NEAT1: variants seen among roughly 807,000 people sequenced by gnomAD.
The protein encoded by NEAT1 is nuclear paraspeckle assembly transcript 1, also known as MENepsilon/beta.
chr11:65,435,415 G>A lies in NEAT1; in HGVS notation n.12618G>A, dbSNP rs113088781. On this transcript the variant is annotated non_coding_transcript_exon_variant, in exon 1 of 1. Transcript: ENST00000501122. ...GCCCTAAAATGGAATCATACAAGGT[G>A]TACTGTTATTTTTATGGCTCTATAA... 1.5e-4 allele frequency: 23 copies of A among 152,258 alleles called. 2 individuals are homozygous for A. Among genetic ancestry groups the A allele is most frequent in the African/African-American group, 5.1e-4 (21 of 41,554 alleles). 9.4% of individuals were successfully genotyped at this position (152,258 alleles called of 1,614,324 possible).
chr11:65,431,416 GTATA>G (rs1856612918), exon 1 of NEAT1: 1 of 152,094 alleles, frequency 6.6e-6, no homozygotes, highest in South Asian at 2.1e-4. Flanking sequence ...GTTCTTTTGA[GTATA>G]TAGCCAGAAG....
chr11:65,429,679 C>T (rs949391497), exon 1 of NEAT1: 5 of 152,040 alleles, frequency 3.3e-5, no homozygotes, highest in African/African-American at 4.8e-5. Context: ...AAAAGTTAAA[C>T]GATTTTCTTA....
rs945899752 is a variant in NEAT1 at position 65,444,456 on chromosome 11, C to T, written n.21659C>T. On this transcript the variant is annotated non_coding_transcript_exon_variant, in exon 1 of 1. Coordinates refer to ENST00000501122, the Ensembl canonical transcript of NEAT1. ...GGTTACAGTCCTCTCTGAGCCTCTG[C>T]TTCCCATCTGGACCCTGCTGGGCAG... The T allele has an allele frequency of 6.3e-6, 3 of 472,486 alleles. No homozygotes were observed. The Admixed American group carries it at 7.0e-5, about 11-fold the overall frequency. 29.3% of individuals were successfully genotyped at this position (472,486 alleles called of 1,614,324 possible).
At chr11:65,429,106 C>T (rs907745251) in exon 1 of NEAT1, 4 of 152,072 alleles carry the variant, frequency 2.6e-5, no homozygotes, top group African/African-American at 9.7e-5. Context: ...AATGGGCATA[C>T]AGGGTATTTT....
chr11:65,428,217 G>A (rs1856581010), exon 1 of NEAT1: 2 of 152,186 alleles, frequency 1.3e-5, no homozygotes, highest in Admixed American at 6.5e-5. Context: ...CTGATCTTGT[G>A]CAAATTAAAA....
exon 1 of NEAT1, chr11:65,437,207 ATATG>A (rs1476498178): frequency 7.2e-6 from 1 of 139,050 alleles, no homozygotes; most frequent in Non-Finnish European, 1.5e-5. Context: ...ATATATATAT[ATATG>A]TATATATATA....
chr11:65,439,974 A>C (rs1856698823), exon 1 of NEAT1: 2 of 152,012 alleles, frequency 1.3e-5, no homozygotes, highest in East Asian at 3.9e-4. Context: ...GTTTTAATTT[A>C]TGATGGGTGT....
At chr11:65,428,650 A>G (rs979758488) in exon 1 of NEAT1, 1 of 152,174 alleles carries the variant, frequency 6.6e-6, no homozygotes, top group Admixed American at 6.5e-5. Flanking sequence ...GAATACTAAC[A>G]TTACGAAAAG....
exon 1 of NEAT1, chr11:65,423,243 C>A (rs1856518254): frequency 6.6e-6 from 1 of 152,546 alleles, no homozygotes; most frequent in Non-Finnish European, 1.5e-5. Flanking sequence ...TGCAGGAGGG[C>A]CGGGAGGGCT....
At chr11:65,428,237 C>CAA (rs1856581438) in exon 1 of NEAT1, 2 of 152,108 alleles carry the variant, frequency 1.3e-5, no homozygotes, top group Admixed American at 1.3e-4. Context: ...AGTTATGGGG[C>CAA]ATAAGAATAG....
chr11:65,439,744 T>C (rs985244576), exon 1 of NEAT1: 5 of 151,958 alleles, frequency 3.3e-5, no homozygotes, highest in Admixed American at 2.6e-4. Context: ...GCAAAAAGTC[T>C]CAAGGTGTTA....
exon 1 of NEAT1, chr11:65,444,469 C>A (rs550894): frequency 0.16 from 73,469 of 473,128 alleles, 8,503 homozygotes; most frequent in Admixed American, 0.39. Context: ...CCCATCTGGA[C>A]CCTGCTGGGC....
exon 1 of NEAT1, chr11:65,424,373 G>C (rs1408645767): frequency 6.6e-6 from 1 of 152,148 alleles, no homozygotes; most frequent in Non-Finnish European, 1.5e-5. Context: ...TTTTGTGCTT[G>C]GAACCTTGCT....
exon 1 of NEAT1, chr11:65,423,997 A>G (rs1367335759): frequency 2.0e-5 from 3 of 152,282 alleles, no homozygotes; most frequent in Non-Finnish European, 4.4e-5. Context: ...ACCGGGAGAC[A>G]TGGAGTCCCT....
At chr11:65,426,552 C>T (rs963773708) in exon 1 of NEAT1, 1 of 152,198 alleles carries the variant, frequency 6.6e-6, no homozygotes, top group African/African-American at 2.4e-5. Flanking sequence ...TGCTATGTTA[C>T]ATTTCTCGAC....
chr11:65,437,191 A>ATG (rs1856665154), exon 1 of NEAT1: 2 of 135,756 alleles, frequency 1.5e-5, no homozygotes, highest in African/African-American at 6.1e-5. Flanking sequence ...GTTTATATAT[A>ATG]TATGTATATA....
exon 1 of NEAT1, chr11:65,444,551 A>ATGTC: frequency 4.1e-6 from 2 of 492,468 alleles, no homozygotes; most frequent in Admixed American, 4.4e-5. Context: ...CCAGGACAGG[A>ATGTC]CTCTCAAATG....
exon 1 of NEAT1, chr11:65,441,327 A>ATTTG (rs1321509149): frequency 6.6e-6 from 1 of 151,864 alleles, no homozygotes; most frequent in Non-Finnish European, 1.5e-5. Flanking sequence ...GAAAACTTTT[A>ATTTG]TTTGTTTGTT....
At chr11:65,443,291 T>C (rs1856731383) in exon 1 of NEAT1, 1 of 152,288 alleles carries the variant, frequency 6.6e-6, no homozygotes, top group Non-Finnish European at 1.5e-5. Flanking sequence ...TGTGGACTGC[T>C]TGCTGCTTGG....
Sources: allele counts gnomAD v4.1 joint callset, GRCh38; gene constraint gnomAD v4.1.1; transcripts MANE v1.5; gene names NCBI Gene and HGNC (gene_info 2026-07-23, HGNC 2026-07-21).